Variants in HTT-AS observed in about 807,000 individuals in gnomAD.
HTT-AS encodes the protein HTT antisense RNA.
At chr4:3,051,032 G>T (rs1281737031) in intron 2 of HTT-AS, among the ~76,000 whole-genome samples, 3 of 81,784 alleles carry the variant, frequency 3.7e-5, no homozygotes, top group African/African-American at 5.9e-5. Flanking sequence ...CTTACAATTT[G>T]TGTGTGTGTG....
chr4:3,049,378 T>C (rs1044546344), exon 3 of HTT-AS, among the ~76,000 whole-genome samples: 2 of 151,452 alleles, frequency 1.3e-5, no homozygotes, highest in African/African-American at 4.9e-5. Flanking sequence ...GAGCTGAGAC[T>C]GCACCACCGC....
intron 1 of HTT-AS, among the ~76,000 whole-genome samples, chr4:3,068,982 C>A (rs1160974798): frequency 6.6e-6 from 1 of 152,122 alleles, no homozygotes; most frequent in Non-Finnish European, 1.5e-5. Context: ...GGAATTAAAA[C>A]ACATGGCAAT....
intron 1 of HTT-AS, among the ~76,000 whole-genome samples, chr4:3,069,219 C>T (rs1456563477): frequency 2.0e-5 from 3 of 150,794 alleles, no homozygotes; most frequent in Non-Finnish European, 4.4e-5. Flanking sequence ...GATCTTGGCT[C>T]ACTGCAACCT....
chr4:3,047,311 A>AAAAAAC (rs961239790), downstream of HTT-AS, among the ~76,000 whole-genome samples: 3 of 152,164 alleles, frequency 2.0e-5, no homozygotes, highest in South Asian at 2.1e-4. Context: ...ACTCTGTCTC[A>AAAAAAC]AAAAACAAAA....
At chr4:3,059,293 A>G (rs552304274) in intron 2 of HTT-AS, among the ~76,000 whole-genome samples, 2 of 152,210 alleles carry the variant, frequency 1.3e-5, no homozygotes, top group South Asian at 4.2e-4. Context: ...TTCTGTGGCC[A>G]CTTTCCCTTT....
At chr4:3,071,450 C>T (rs1712171208) in intron 1 of HTT-AS, among the ~76,000 whole-genome samples, 1 of 152,160 alleles carries the variant, frequency 6.6e-6, no homozygotes, top group Admixed American at 6.5e-5. Flanking sequence ...CTACTCATTA[C>T]TTCTGCTTGC....
intron 1 of HTT-AS, among the ~76,000 whole-genome samples, chr4:3,066,251 C>T (rs1186373738): frequency 6.6e-6 from 1 of 152,052 alleles, no homozygotes; most frequent in South Asian, 2.1e-4. Flanking sequence ...CTCACTGCAA[C>T]CTCCACCTCC....
Position 3,059,924 on chromosome 4 carries a change from G to GT in HTT-AS, n.1380+2509dup, listed in dbSNP as rs10680478. ...TAACATCTTTGTCCCTGTGTTTTTTGTTTTTTTTTTTGAGACGGAGTCTCA... is the reference window on the plus strand; with the variant it reads ...TAACATCTTTGTCCCTGTGTTTTTTGTTTTTTTTTTTTGAGACGGAGTCTCA... On this transcript the variant is annotated intron_variant and non_coding_transcript_variant, in intron 2 of 2. Coordinates refer to ENST00000664062, the Ensembl canonical transcript of HTT-AS. Among the ~76,000 whole-genome samples, 73 of 139,264 alleles carry GT rather than the reference G, an allele frequency of 5.2e-4. 1 individual carries two copies. Among genetic ancestry groups the GT allele is most frequent in the Middle Eastern group, 3.9e-3 (1 of 254 alleles). The allele number at this position is 139,264 out of a possible 152,430, so 91.4% of individuals were successfully genotyped here. A position where few individuals can be genotyped will look rare whatever the true frequency, so the allele number is the denominator to read the frequency against.
In HTT-AS at chr4:3,065,806, T is replaced by C. The variant is rs143916093; in HGVS notation, n.114-2106A>G. The stretch of plus-strand genomic sequence containing the variant: ...CCCAGCTTCACAAGACAGTATTACG[T>C]AGCACATCACTAGCCTGGGGAAAGA... On this transcript the variant is annotated intron_variant and non_coding_transcript_variant, in intron 1 of 2. Coordinates refer to ENST00000664062, the Ensembl canonical transcript of HTT-AS. 8.4e-3 allele frequency among the ~76,000 whole-genome samples: 1,285 copies of C among 152,330 alleles called. 16 individuals carry two copies. Among genetic ancestry groups the C allele is most frequent in the African/African-American group, 0.024 (1,006 of 41,574 alleles).
intron 2 of HTT-AS, among the ~76,000 whole-genome samples, chr4:3,057,478 A>G (rs558311604): frequency 2.6e-5 from 4 of 152,282 alleles, no homozygotes; most frequent in Admixed American, 6.5e-5. Flanking sequence ...ACCCCAAGAG[A>G]GGGTTCTTGG....
chr4:3,055,859 G>A (rs1711794910), intron 2 of HTT-AS, among the ~76,000 whole-genome samples: 1 of 152,122 alleles, frequency 6.6e-6, no homozygotes. Context: ...TTTTCTACCA[G>A]TTTCTTTCAG....
intron 1 of HTT-AS, among the ~76,000 whole-genome samples, chr4:3,072,488 A>AG (rs1712197937): frequency 1.3e-5 from 2 of 152,278 alleles, no homozygotes; most frequent in Admixed American, 1.3e-4. Context: ...GCTCACGGGG[A>AG]GGGGTCATAC....
intron 2 of HTT-AS, among the ~76,000 whole-genome samples, chr4:3,061,481 G>A (rs867253953): frequency 1.3e-5 from 2 of 151,814 alleles, no homozygotes; most frequent in African/African-American, 2.4e-5. Flanking sequence ...AGGAGTTTGA[G>A]AGCAGCCCGG....
chr4:3,063,166 CTT>C (rs1711977814), exon 2 of HTT-AS, among the ~76,000 whole-genome samples: 1 of 152,146 alleles, frequency 6.6e-6, no homozygotes, highest in Non-Finnish European at 1.5e-5. Context: ...AGAGGGCTCT[CTT>C]TTATGTATTA....
intron 2 of HTT-AS, among the ~76,000 whole-genome samples, chr4:3,062,329 C>G (rs1213226036): frequency 6.6e-6 from 1 of 152,162 alleles, no homozygotes; most frequent in Non-Finnish European, 1.5e-5. Context: ...CATGCCCGGC[C>G]TAGTCTACAT....
chr4:3,047,697 A>C (rs1711618618), downstream of HTT-AS, among the ~76,000 whole-genome samples: 1 of 152,144 alleles, frequency 6.6e-6, no homozygotes, highest in Non-Finnish European at 1.5e-5. Flanking sequence ...CTGCTCCACC[A>C]TCTCTTGTGG....
chr4:3,059,131 GA>G (rs1172063719), intron 2 of HTT-AS, among the ~76,000 whole-genome samples: 4 of 152,174 alleles, frequency 2.6e-5, no homozygotes, highest in Admixed American at 6.5e-5. Flanking sequence ...TAGGCAGACT[GA>G]AAACCTAACT....
chr4:3,054,903 C>T (rs1038075432), intron 2 of HTT-AS, among the ~76,000 whole-genome samples: 11 of 151,554 alleles, frequency 7.3e-5, no homozygotes, highest in Non-Finnish European at 1.3e-4. Context: ...TTAGTAGAGA[C>T]GGGGTTTCAC....
intron 1 of HTT-AS, among the ~76,000 whole-genome samples, chr4:3,071,116 T>C (rs1201517027): frequency 6.6e-6 from 1 of 152,216 alleles, no homozygotes; most frequent in African/African-American, 2.4e-5. Flanking sequence ...GTTGTGGCCA[T>C]GTAAAGTCCC....
Sources: gnomAD v4.1 joint callset for allele counts (sites outside exome capture counted in the v4.1 genomes callset) on GRCh38, gnomAD v4.1.1 for gene constraint, MANE v1.5 for transcripts, NCBI Gene and HGNC (gene_info 2026-07-23, HGNC 2026-07-21) for gene names.